Variants in ANKRD31 observed in about 807,000 individuals in gnomAD.
The protein encoded by ANKRD31 is ankyrin repeat domain 31.
In ANKRD31, 147 loss-of-function variants were observed where a neutral mutation model predicts 186.0. The observed-to-expected ratio is 0.79, with a 90% CI of 0.69 to 0.91. The LOEUF (loss-of-function observed/expected upper bound fraction) is 0.91, where lower values mean the gene tolerates loss of function less well. Among genes scored for constraint, ANKRD31 ranks in the 40% least tolerant of loss-of-function variants. The probability of loss-of-function intolerance (pLI) is 0.00; values close to 1 mark genes in which losing one functional copy is unlikely to be tolerated. For missense variants in ANKRD31, 1,986 were observed against 2,148.8 expected (o/e 0.92, Z 1.50); for synonymous variants, 673 against 736.4 (o/e 0.91, Z 1.39).
chr5:75,138,650 C>T (rs1750788428), intron 16 of ANKRD31, among the ~76,000 whole-genome samples, 196 bp downstream of exon 16: 1 of 152,096 alleles, frequency 6.6e-6, no homozygotes, highest in Non-Finnish European at 1.5e-5. Flanking sequence ...ATGTTAAAAA[C>T]TGTTTCAAAG....
intron 17 of ANKRD31, among the ~76,000 whole-genome samples, chr5:75,133,613 G>GA (rs1317868173): frequency 1.3e-5 from 2 of 152,160 alleles, no homozygotes; most frequent in Non-Finnish European, 2.9e-5. Flanking sequence ...CAACGAGACA[G>GA]AAAGTTAACA....
In ANKRD31 at chr5:75,104,593, C is replaced by T. The variant is rs1269470855; in HGVS notation, c.4966G>A (p.Ala1656Thr). The change falls in exon 22 of 26, where the codon GCC becomes ACC. Residue 1656 changes from alanine (A) to threonine (T), a missense_variant. By Grantham distance (58) the Ala-to-Thr change is moderately conservative. Coordinates refer to ENST00000506364, the MANE Select transcript of ANKRD31 (RefSeq NM_001372053.1). ...TCACAAATAATATTTGATGGATGGG[C>T]AGCATTTTCGGCAAGGACACTTGCA... Reference protein sequence around the residue: ...ETASVLAENAAHPSNIICDQD... With the variant: ...ETASVLAENATHPSNIICDQD... 6.5e-7 allele frequency: 1 copy of T among 1,536,308 alleles called. No homozygotes were observed. Among genetic ancestry groups the T allele is most frequent in the East Asian group, 2.4e-5 (1 of 40,906 alleles).
rs1747162265 is a variant in ANKRD31, at chr5:75,104,430, G to A, written c.5129C>T (p.Pro1710Leu). The A allele has an allele frequency of 6.5e-7, 1 of 1,536,996 alleles. No individual in the cohort carries two copies. Among genetic ancestry groups the A allele is most frequent in the Admixed American group, 2.0e-5 (1 of 50,958 alleles). ...LGSDTVHQMK[P>L]YLKKSVSVVP... ...AACAGAAACTGATTTTTTAAGATATGGTTTCATCTGATGCACTGTATCACT... is the reference window on the plus strand; with the variant it reads ...AACAGAAACTGATTTTTTAAGATATAGTTTCATCTGATGCACTGTATCACT... The change falls in exon 22 of 26, where the codon CCA becomes CTA. Residue 1710 changes from proline (P) to leucine (L), a missense_variant. Physicochemically the swap from Pro to Leu is moderately conservative, Grantham distance 98. Transcript: ENST00000506364.
At chr5:75,207,070 T>C (rs1040208000) in intron 4 of ANKRD31, among the ~76,000 whole-genome samples, 4 of 152,218 alleles carry the variant, frequency 2.6e-5, no homozygotes, top group Non-Finnish European at 4.4e-5. Flanking sequence ...ATCAGCTAAC[T>C]GTATTTTTTC....
At chr5:75,135,054 A>G (rs1365853738) in intron 17 of ANKRD31, among the ~76,000 whole-genome samples, 4 of 152,230 alleles carry the variant, frequency 2.6e-5, no homozygotes, top group Non-Finnish European at 5.9e-5. Flanking sequence ...ACCCACAGCC[A>G]ATATCATACT....
At chr5:75,154,963 G>A (rs1226213658) in intron 11 of ANKRD31, among the ~76,000 whole-genome samples, 2 of 151,958 alleles carry the variant, frequency 1.3e-5, no homozygotes, top group Non-Finnish European at 2.9e-5. Flanking sequence ...AGAGAAAAAC[G>A]ACTTCTCCTT....
At chr5:75,078,752 A>G (rs1171941075) in intron 25 of ANKRD31, among the ~76,000 whole-genome samples, 2 of 152,250 alleles carry the variant, frequency 1.3e-5, no homozygotes, top group Admixed American at 6.5e-5. Context: ...TAGTGATAAC[A>G]AATAATGTAG....
chr5:75,138,006 A>G lies in ANKRD31; in HGVS notation c.3734-8T>C. The G allele has an allele frequency of 1.4e-6, 2 of 1,417,290 alleles. No individual in the cohort carries two copies. The highest frequency in any genetic ancestry group is 1.8e-6 in the Non-Finnish European group (2 of 1,108,214). 87.8% of individuals were successfully genotyped at this position (1,417,290 alleles called of 1,614,324 possible). A position where few individuals can be genotyped will look rare whatever the true frequency, so the allele number is the denominator to read the frequency against. ...CATGAAGTGGTGTCCAACCTAAAAA[A>G]AGAAAAAGAAAAAAAAAAACCCTGC... On this transcript the variant is annotated splice_region_variant and splice_polypyrimidine_tract_variant and intron_variant, in intron 16 of 25. Coordinates refer to ENST00000506364, the MANE Select transcript of ANKRD31 (RefSeq NM_001372053.1).
chr5:75,199,624 G>C lies in ANKRD31; in HGVS notation c.447+7C>G, dbSNP rs1418290648. 6.5e-7 allele frequency: 1 copy of C among 1,527,694 alleles called. No individual in the cohort carries two copies. The highest frequency in any genetic ancestry group is 2.0e-5 in the Admixed American group (1 of 50,260). 94.6% of individuals were successfully genotyped at this position (1,527,694 alleles called of 1,614,324 possible). On this transcript the variant is annotated splice_region_variant and intron_variant, in intron 6 of 25. Coordinates refer to ENST00000506364, the MANE Select transcript of ANKRD31 (RefSeq NM_001372053.1). ...CTACATAGTTAATTTCTGTTATACA[G>C]ACCAACCTTTTCTATGTGTGGCAAA...
intron 2 of ANKRD31, among the ~76,000 whole-genome samples, chr5:75,224,140 T>C (rs373627313): frequency 1.7e-5 from 1 of 60,028 alleles, no homozygotes; most frequent in Non-Finnish European, 2.8e-5. Flanking sequence ...TATATATATA[T>C]ATATATATAT....
At position 75,144,094 on chromosome 5, in the gene ANKRD31, A is replaced by G. The variant is rs1336325584; in HGVS notation, c.3502T>C (p.Ser1168Pro). Residue 1168 changes from serine (S) to proline (P), a missense_variant, in exon 15 of 26, where the codon TCA becomes CCA. Coordinates refer to ENST00000506364, the MANE Select transcript of ANKRD31 (RefSeq NM_001372053.1). ...NCEEIKEKTE[S>P]EIHMPTNSQE... ...CTATTAGTAGGCATGTGAATTTCTGACTCCGTTTTTTCTTTTATCTCCTCA... is the reference window on the plus strand; with the variant it reads ...CTATTAGTAGGCATGTGAATTTCTGGCTCCGTTTTTTCTTTTATCTCCTCA... 1 of 396,780 alleles carries G rather than the reference A, an allele frequency of 2.5e-6. No individual in the cohort carries two copies. The highest frequency in any genetic ancestry group is 2.1e-5 in the African/African-American group (1 of 48,328). 24.6% of individuals were successfully genotyped at this position (396,780 alleles called of 1,614,324 possible). A position where few individuals can be genotyped will look rare whatever the true frequency, so the allele number is the denominator to read the frequency against.
chr5:75,137,804 C>A, intron 17 of ANKRD31, 52 bp downstream of exon 17: 2 of 1,330,928 alleles, frequency 1.5e-6, no homozygotes, highest in Non-Finnish European at 1.9e-6. Context: ...TCATTTTCTT[C>A]ATTCATTTCC....
chr5:75,121,434 T>C (rs1748781321), intron 17 of ANKRD31, among the ~76,000 whole-genome samples: 1 of 152,108 alleles, frequency 6.6e-6, no homozygotes, highest in Non-Finnish European at 1.5e-5. Flanking sequence ...ACACAGGAGT[T>C]AAATTGAACT....
chr5:75,081,703 A>G (rs1013836794), intron 24 of ANKRD31, among the ~76,000 whole-genome samples: 10 of 142,472 alleles, frequency 7.0e-5, no homozygotes, highest in Non-Finnish European at 1.5e-4. Context: ...AGAGAGACAG[A>G]GAGAGAGAGA....
At chr5:75,204,935 G>A (rs1756060409) in intron 5 of ANKRD31, among the ~76,000 whole-genome samples, 1 of 152,208 alleles carries the variant, frequency 6.6e-6, no homozygotes, top group Non-Finnish European at 1.5e-5. Context: ...CACCCGGGCT[G>A]GAAACATGGC....
intron 1 of ANKRD31, among the ~76,000 whole-genome samples, chr5:75,234,973 C>T (rs1342657896): frequency 2.0e-5 from 3 of 152,048 alleles, no homozygotes; most frequent in East Asian, 1.9e-4. Flanking sequence ...ATCATTTCCT[C>T]GCTGGTTTGA....
chr5:75,118,427 T>A, intron 17 of ANKRD31, 130 bp from the exon 18 acceptor site: 1 of 934,300 alleles, frequency 1.1e-6, no homozygotes, highest in Non-Finnish European at 1.5e-6. Context: ...TCAAGAAAAT[T>A]TTTTATTAAA....
intron 25 of ANKRD31, among the ~76,000 whole-genome samples, chr5:75,079,594 C>A (rs1412012120): frequency 1.3e-5 from 2 of 152,074 alleles, no homozygotes; most frequent in Non-Finnish European, 1.5e-5. Flanking sequence ...CCTGCCTCAA[C>A]CTGCTGGGTA....
At position 75,105,217 on chromosome 5, in the gene ANKRD31, C is replaced by A; in HGVS notation, c.4342G>T (p.Val1448Leu). ...ERDDLAKKYR[V>L]SIESFKHGAL... Reference sequence around the variant, plus strand: ...CCATGCTTAAATGACTCTATGGATACCCTATAGGAAGAAACAGAAAGAGAA... The same window carrying A: ...CCATGCTTAAATGACTCTATGGATAACCTATAGGAAGAAACAGAAAGAGAA... Residue 1448 changes from valine (V) to leucine (L), a missense_variant and splice_region_variant, in exon 22 of 26, where the codon GTA becomes TTA. Physicochemically the swap from Val to Leu is conservative, Grantham distance 32 (BLOSUM62 1). Transcript: ENST00000506364. 1 of 1,486,904 alleles carries A rather than the reference C, an allele frequency of 6.7e-7. No homozygotes were observed. 92.1% of individuals were successfully genotyped at this position (1,486,904 alleles called of 1,614,324 possible).
Sources: gnomAD v4.1 joint callset for allele counts (sites outside exome capture counted in the v4.1 genomes callset) on GRCh38, gnomAD v4.1.1 for gene constraint, MANE v1.5 for transcripts, NCBI Gene and HGNC (gene_info 2026-07-23, HGNC 2026-07-21) for gene names.